ZBTB41: variants seen among roughly 807,000 people sequenced by gnomAD.
ZBTB41 encodes zinc finger and BTB domain containing 41.
A neutral mutation model predicts 87.6 loss-of-function variants in ZBTB41; 42 were observed. The observed-to-expected ratio is 0.48, with a 90% CI of 0.37 to 0.62. The LOEUF is 0.62. Among genes scored for constraint, ZBTB41 ranks in the 20% least tolerant of loss-of-function variants. The pLI is 0.00. For missense variants in ZBTB41, 799 were observed against 1,078.9 expected (o/e 0.74, Z 3.63); for synonymous variants, 364 against 364.0 (o/e 1.00, Z 0.00).
Position 197,188,273 on chromosome 1 carries a change from G to A in ZBTB41, c.1546+19C>T, listed in dbSNP as rs762448386. ...ATTAAAATTGTCATGACTGCCTTAAGAAAAAGTAACTTGCTTACCCAGATG... is the reference window on the plus strand; with the variant it reads ...ATTAAAATTGTCATGACTGCCTTAAAAAAAAGTAACTTGCTTACCCAGATG... On this transcript the variant is annotated intron_variant, in intron 5 of 10. Transcript: ENST00000367405. The A allele has an allele frequency of 5.0e-6, 8 of 1,610,822 alleles. No individual in the cohort carries two copies. The highest frequency in any genetic ancestry group is 5.9e-6 in the Non-Finnish European group (7 of 1,179,190).
intron 5 of ZBTB41, among the ~76,000 whole-genome samples, chr1:197,183,056 CATGTATACATAT>C (rs151204355): frequency 0.014 from 2,056 of 152,088 alleles, 47 homozygotes; most frequent in African/African-American, 0.045. Context: ...TTTATATATG[CATGTATACATAT>C]ATGTATACAT....
chr1:197,197,453 A>G (rs1660194321), intron 2 of ZBTB41, among the ~76,000 whole-genome samples: 1 of 151,798 alleles, frequency 6.6e-6, no homozygotes, highest in Non-Finnish European at 1.5e-5. Context: ...TACATTCAGA[A>G]AGGTCAGTCA....
chr1:197,158,686 TA>T lies in ZBTB41; in HGVS notation c.*672del, dbSNP rs1366884621. 1 of 152,058 alleles carries T rather than the reference TA, an allele frequency of 6.6e-6. No individual in the cohort carries two copies. The allele number at this position is 152,058 out of a possible 1,614,324, so 9.4% of individuals were successfully genotyped here. On this transcript the variant is annotated 3_prime_UTR_variant, in exon 11 of 11. Transcript: ENST00000367405. ...CCTTTCTTATTCATAACAATTGAAG[TA>T]TAGGCAAAAACCAATTATCTGGATT...
intron 2 of ZBTB41, among the ~76,000 whole-genome samples, chr1:197,198,214 C>G (rs952072048): frequency 6.6e-6 from 1 of 152,172 alleles, no homozygotes. Flanking sequence ...TGTTTACACA[C>G]AGCCTCAGTT....
rs1171070522 is a variant in ZBTB41 at position 197,159,632 on chromosome 1, G to C, written c.2457C>G (p.Asp819Glu). 1 of 1,614,030 alleles carries C rather than the reference G, an allele frequency of 6.2e-7. No homozygotes were observed. The highest frequency in any genetic ancestry group is 1.7e-5 in the Admixed American group (1 of 59,982). Residue 819 changes from aspartate (D) to glutamate (E), a missense_variant, in exon 11 of 11, where the codon GAC becomes GAG. Coordinates refer to ENST00000367405, the MANE Select transcript of ZBTB41 (RefSeq NM_194314.3). The stretch of plus-strand genomic sequence containing the variant: ...TATGACGCACTAGGTCACTCGGAGT[G>C]TCAGGCATCTGAACTGGAACCAGAG... ...PVTLVPVQMP[D>E]TPSDLVRHTT...
Position 197,159,125 on chromosome 1 carries a change from C to T in ZBTB41, c.*234G>A, listed in dbSNP as rs1045684563. 6 of 444,894 alleles carry T rather than the reference C, an allele frequency of 1.3e-5. No homozygotes were observed. The highest frequency in any genetic ancestry group is 2.4e-5 in the Non-Finnish European group (6 of 252,696). The allele number at this position is 444,894 out of a possible 1,614,324, so 27.6% of individuals were successfully genotyped here. A position where few individuals can be genotyped will look rare whatever the true frequency, so the allele number is the denominator to read the frequency against. Reference sequence around the variant, plus strand: ...AATTTAAGAAACCATTAAAAGTTAGCACTAAATAATCTTTAAAAATCACAA... The same window carrying T: ...AATTTAAGAAACCATTAAAAGTTAGTACTAAATAATCTTTAAAAATCACAA... On this transcript the variant is annotated 3_prime_UTR_variant, in exon 11 of 11. Coordinates refer to ENST00000367405, the MANE Select transcript of ZBTB41 (RefSeq NM_194314.3).
chr1:197,159,434 A>C lies in ZBTB41; in HGVS notation c.2655T>G (p.Ser885=). 1 of 1,613,948 alleles carries C rather than the reference A, an allele frequency of 6.2e-7. No individual in the cohort carries two copies. Among genetic ancestry groups the C allele is most frequent in the Non-Finnish European group, 8.5e-7 (1 of 1,179,828 alleles). Residue 885 remains serine (S), a synonymous_variant, in exon 11 of 11, where the codon TCT becomes TCG. Transcript: ENST00000367405. ...CAAGGCCCAGTAATGTTCCAAGATA[A>C]GATTGTTCTCTAGGATCTAGCATTT... The part of the protein sequence containing the change: ...PEQMLDPREQ[S]YLGTLLGLDS...
chr1:197,186,717 A>G (rs1375313834), intron 5 of ZBTB41, among the ~76,000 whole-genome samples: 1 of 152,082 alleles, frequency 6.6e-6, no homozygotes, highest in East Asian at 1.9e-4. Context: ...CAAAAAACTT[A>G]GCTGGACATG....
chr1:197,177,009 A>C (rs1392554307), intron 7 of ZBTB41, among the ~76,000 whole-genome samples: 1 of 152,164 alleles, frequency 6.6e-6, no homozygotes, highest in Non-Finnish European at 1.5e-5. Flanking sequence ...AAGACTCAAA[A>C]ATATAAAAAG....
At chr1:197,182,037 G>A (rs1659759191) in intron 5 of ZBTB41, among the ~76,000 whole-genome samples, 1 of 151,836 alleles carries the variant, frequency 6.6e-6, no homozygotes, top group African/African-American at 2.4e-5. Flanking sequence ...CAAGCACTGT[G>A]TTAAGTATTA....
chr1:197,169,059 A>AT (rs1017021628), intron 10 of ZBTB41, among the ~76,000 whole-genome samples: 21 of 152,166 alleles, frequency 1.4e-4, no homozygotes, highest in Admixed American at 4.6e-4. Flanking sequence ...TATCAAATGG[A>AT]TTTAAAAAAA....
At chr1:197,174,145 T>C (rs1031619409) in intron 9 of ZBTB41, among the ~76,000 whole-genome samples, 1 of 152,052 alleles carries the variant, frequency 6.6e-6, no homozygotes, top group African/African-American at 2.4e-5. Flanking sequence ...AAAATATACC[T>C]TGCAATTACC....
chr1:197,193,669 C>G (rs1660088539), intron 2 of ZBTB41, among the ~76,000 whole-genome samples: 1 of 152,126 alleles, frequency 6.6e-6, no homozygotes, highest in East Asian at 1.9e-4. Context: ...GTATACTCAA[C>G]CATTTACACA....
At chr1:197,197,141 T>C (rs1424866697) in intron 2 of ZBTB41, among the ~76,000 whole-genome samples, 1 of 151,940 alleles carries the variant, frequency 6.6e-6, no homozygotes, top group Non-Finnish European at 1.5e-5. Flanking sequence ...ATCCTCATAA[T>C]AACCTTTCCC....
rs746824471 is a variant in ZBTB41, at chr1:197,180,972, G to C, written c.1676+16C>G. 5.8e-5 allele frequency: 92 copies of C among 1,581,510 alleles called. No homozygotes were observed. The highest frequency in any genetic ancestry group is 7.6e-5 in the Non-Finnish European group (89 of 1,171,862). ...ATAGTACTAGGATTTTTGTGGGTGTGCAGATAATTCTTCACCTTTCTCGTA... is the reference window on the plus strand; with the variant it reads ...ATAGTACTAGGATTTTTGTGGGTGTCCAGATAATTCTTCACCTTTCTCGTA... On this transcript the variant is annotated intron_variant, in intron 6 of 10. Transcript: ENST00000367405.
intron 10 of ZBTB41, 63 bp downstream of exon 10, chr1:197,172,097 T>C: frequency 1.5e-6 from 1 of 673,900 alleles, no homozygotes; most frequent in Non-Finnish European, 2.2e-6. Flanking sequence ...ATTTTACTTC[T>C]GATTACACTA....
In ZBTB41 at chr1:197,157,882, G is replaced by A. The variant is rs1014835601; in HGVS notation, c.*1477C>T. The A allele has an allele frequency of 6.8e-6, 1 of 146,972 alleles. No homozygotes were observed. The highest frequency in any genetic ancestry group is 1.5e-5 in the Non-Finnish European group (1 of 66,380). 9.1% of individuals were successfully genotyped at this position (146,972 alleles called of 1,614,324 possible). On this transcript the variant is annotated 3_prime_UTR_variant, in exon 11 of 11. Coordinates refer to ENST00000367405, the MANE Select transcript of ZBTB41 (RefSeq NM_194314.3). ...ATTTGTGATTTTTTTTTTCACAAGG[G>A]CTGGGCTAGACTTTACAGTTTACAC...
Position 197,154,293 on chromosome 1 carries a change from A to C in ZBTB41, c.*5066T>G, listed in dbSNP as rs1262151388. The C allele has an allele frequency of 2.6e-5, 4 of 152,402 alleles. No individual in the cohort carries two copies. Among genetic ancestry groups the C allele is most frequent in the Non-Finnish European group, 4.4e-5 (3 of 67,952 alleles). 9.4% of individuals were successfully genotyped at this position (152,402 alleles called of 1,614,324 possible). A position where few individuals can be genotyped will look rare whatever the true frequency, so the allele number is the denominator to read the frequency against. On this transcript the variant is annotated 3_prime_UTR_variant, in exon 11 of 11. Coordinates refer to ENST00000367405, the MANE Select transcript of ZBTB41 (RefSeq NM_194314.3). ...ATGCAAGCATTGATTACTTTTCTTT[A>C]CCTAAGAATTTGACCAAACAAGGTT... is the stretch of plus-strand genomic sequence containing the variant.
At chr1:197,191,330 G>A (rs1385159141) in intron 3 of ZBTB41, among the ~76,000 whole-genome samples, 1 of 151,598 alleles carries the variant, frequency 6.6e-6, no homozygotes, top group East Asian at 1.9e-4. Flanking sequence ...CATGGTGCAC[G>A]CCTGTAGTTC....
Sources: allele counts gnomAD v4.1 joint callset (sites outside exome capture counted in the v4.1 genomes callset), GRCh38; gene constraint gnomAD v4.1.1; transcripts MANE v1.5; gene names NCBI Gene and HGNC (gene_info 2026-07-23, HGNC 2026-07-21).